Variants in ACYP2 observed in about 807,000 individuals in gnomAD.
ACYP2 encodes the protein acylphosphatase-2.
A neutral mutation model predicts 11.2 loss-of-function variants in ACYP2; 12 were observed. That is an observed-to-expected ratio of 1.08 (90% CI 0.69 to 1.74). The LOEUF (loss-of-function observed/expected upper bound fraction) is 1.74, where lower values mean the gene tolerates loss of function less well. ACYP2 is among the 40% of genes most tolerant of loss of function. The pLI, the probability that ACYP2 is intolerant of heterozygous loss-of-function variation, is 0.00. For missense variants in ACYP2, 134 were observed against 101.9 expected, an observed-to-expected ratio of 1.31 and a Z score of -1.35; for synonymous variants, 43 against 32.2, an observed-to-expected ratio of 1.33 and a Z score of -1.13.
intron 6 of ACYP2, among the ~76,000 whole-genome samples, chr2:54,246,555 T>C (rs1011612701): frequency 6.6e-6 from 1 of 152,176 alleles, no homozygotes; most frequent in African/African-American, 2.4e-5. Flanking sequence ...CTAAAATCTA[T>C]TGATATAATA....
At chr2:54,137,137 T>A (rs138191178) in intron 5 of ACYP2, among the ~76,000 whole-genome samples, 4 of 151,954 alleles carry the variant, frequency 2.6e-5, no homozygotes, top group African/African-American at 9.7e-5. Context: ...ATAGGAGAGA[T>A]AAATCTACCC....
intron 6 of ACYP2, among the ~76,000 whole-genome samples, chr2:54,290,001 G>T (rs1255515794): frequency 6.6e-6 from 1 of 152,014 alleles, no homozygotes; most frequent in Non-Finnish European, 1.5e-5. Context: ...TAGCACATCT[G>T]TTCTTCTAGC....
At chr2:54,241,011 CA>C (rs1378131527) in intron 6 of ACYP2, among the ~76,000 whole-genome samples, 3 of 152,136 alleles carry the variant, frequency 2.0e-5, no homozygotes, top group Non-Finnish European at 4.4e-5. Context: ...TATAATCTGG[CA>C]GCCTTTATTT....
At chr2:54,182,424 C>T (rs1683783259) in intron 6 of ACYP2, among the ~76,000 whole-genome samples, 1 of 152,166 alleles carries the variant, frequency 6.6e-6, no homozygotes, top group African/African-American at 2.4e-5. Context: ...TCACTGAAGC[C>T]TTGACCTTCC....
At chr2:54,013,737 A>G (rs1262974632) in intron 2 of ACYP2, among the ~76,000 whole-genome samples, 1 of 144,500 alleles carries the variant, frequency 6.9e-6, no homozygotes, top group Non-Finnish European at 1.5e-5. Context: ...AAGAAAAAAA[A>G]AAAAAAGAGA....
At chr2:53,983,925 C>A (rs1671885706) in intron 2 of ACYP2, among the ~76,000 whole-genome samples, 1 of 152,104 alleles carries the variant, frequency 6.6e-6, no homozygotes, top group African/African-American at 2.4e-5. Context: ...AGAAAAGAGA[C>A]AAGAAGGTAA....
At chr2:54,291,754 ATAGT>A (rs1689316697) in intron 6 of ACYP2, among the ~76,000 whole-genome samples, 1 of 152,116 alleles carries the variant, frequency 6.6e-6, no homozygotes, top group Admixed American at 6.5e-5. Flanking sequence ...ACCTGGACTG[ATAGT>A]TAGGGTAGTA....
chr2:54,183,557 C>T (rs1435729161), intron 6 of ACYP2, among the ~76,000 whole-genome samples: 1 of 151,656 alleles, frequency 6.6e-6, no homozygotes, highest in Non-Finnish European at 1.5e-5. Flanking sequence ...AAAAGATTAA[C>T]TTCATTTTTT....
At chr2:54,193,460 G>C (rs146992432) in intron 6 of ACYP2, among the ~76,000 whole-genome samples, 44 of 152,276 alleles carry the variant, frequency 2.9e-4, no homozygotes, top group African/African-American at 8.9e-4. Flanking sequence ...AGCTCCCAGA[G>C]CTGACTCTAC....
chr2:54,201,606 T>TTCTTTCTTTC lies in ACYP2; in HGVS notation c.404+62860_404+62869dup, dbSNP rs1558608482. ...TTTTTCTTTCTTTCTCTTTCTTTCT[T>TTCTTTCTTTC]TCTTTCTTTCTTTCTTTGTTTCTTT... On this transcript the variant is annotated intron_variant, in intron 6 of 6. Coordinates refer to ENST00000607452, the MANE Select transcript of ACYP2 (RefSeq NM_001320586.2). Among the ~76,000 whole-genome samples, 6 of 86,118 alleles carry TTCTTTCTTTC rather than the reference T, an allele frequency of 7.0e-5. No individual in the cohort carries two copies. The East Asian group carries it at 7.1e-3, about 103-fold the overall frequency. 56.5% of individuals were successfully genotyped at this position (86,118 alleles called of 152,430 possible).
chr2:54,030,817 C>T (rs2104554011), intron 2 of ACYP2: 1 of 152,288 alleles, frequency 6.6e-6, no homozygotes. Context: ...TTTAGTACTC[C>T]TAACCTTATT....
intron 6 of ACYP2, among the ~76,000 whole-genome samples, chr2:54,227,308 T>G (rs747319948): frequency 1.3e-5 from 2 of 152,172 alleles, no homozygotes. Flanking sequence ...GTCAATAACT[T>G]ATTTTCTTTG....
chr2:54,115,243 C>CA (rs1399546101), intron 4 of ACYP2, among the ~76,000 whole-genome samples: 2 of 152,190 alleles, frequency 1.3e-5, no homozygotes, highest in African/African-American at 4.8e-5. Flanking sequence ...GTAATCATTT[C>CA]ACAATGCATA....
chr2:53,997,166 C>G (rs1672612066), intron 2 of ACYP2, among the ~76,000 whole-genome samples: 2 of 152,156 alleles, frequency 1.3e-5, no homozygotes, highest in African/African-American at 2.4e-5. Flanking sequence ...CTATCAAAAC[C>G]AAACCTATCT....
In ACYP2 at chr2:54,169,038, A is replaced by T. The variant is rs576771395; in HGVS notation, c.404+30290A>T. Among the ~76,000 whole-genome samples the T allele has an allele frequency of 6.6e-5, 10 of 152,318 alleles. No homozygotes were observed. In the South Asian group the frequency reaches 1.9e-3, roughly 28 times the overall value. On this transcript the variant is annotated intron_variant, in intron 6 of 6. Coordinates refer to ENST00000607452, the MANE Select transcript of ACYP2 (RefSeq NM_001320586.2). ...TTTCCTGTCCAAAGAACCAATCAGG[A>T]GTGTTACAGAAGAATTTTTCTACCT...
At chr2:54,042,785 A>G (rs1213522466) in intron 2 of ACYP2, among the ~76,000 whole-genome samples, 1 of 152,216 alleles carries the variant, frequency 6.6e-6, no homozygotes, top group South Asian at 2.1e-4. Context: ...GTCCTTGGCC[A>G]GGGAAAACAT....
intron 4 of ACYP2, among the ~76,000 whole-genome samples, chr2:54,120,247 C>T (rs7571660): frequency 0.11 from 16,769 of 152,166 alleles, 974 homozygotes; most frequent in Non-Finnish European, 0.13. Context: ...CATCAACTTC[C>T]CTTGCATCAA....
chr2:54,165,523 T>TCA (rs1396260548), intron 6 of ACYP2, among the ~76,000 whole-genome samples: 80 of 128,714 alleles, frequency 6.2e-4, no homozygotes, highest in African/African-American at 2.3e-3. Context: ...TCACTCTCTC[T>TCA]CTCTCTCTCT....
chr2:54,257,799 T>C (rs527992069), intron 6 of ACYP2, among the ~76,000 whole-genome samples: 1 of 152,272 alleles, frequency 6.6e-6, no homozygotes, highest in South Asian at 2.1e-4. Context: ...TATGGCTTCA[T>C]AGAAATGTAT....
Sources: allele counts gnomAD v4.1 joint callset (sites outside exome capture counted in the v4.1 genomes callset), GRCh38; gene constraint gnomAD v4.1.1; transcripts MANE v1.5; gene names NCBI Gene and HGNC (gene_info 2026-07-23, HGNC 2026-07-21).